HELQ: variants seen among roughly 807,000 people sequenced by gnomAD.
HELQ encodes the protein helicase, POLQ like, also known as helicase POLQ-like.
In HELQ, 77 loss-of-function variants were observed where a neutral mutation model predicts 111.6. The observed-to-expected ratio is 0.69, with a 90% CI of 0.57 to 0.83. The LOEUF (loss-of-function observed/expected upper bound fraction) is 0.83. Ranked by LOEUF, HELQ falls within the 40% of genes least tolerant of loss-of-function variation. The probability of loss-of-function intolerance (pLI) is 0.00; values close to 1 mark genes in which losing one functional copy is unlikely to be tolerated. For synonymous variants in HELQ, 438 were observed against 454.7 expected (o/e 0.96, Z 0.47); for missense variants, 1,200 against 1,288.5 (o/e 0.93, Z 1.05).
chr4:83,409,394 CA>C (rs921702932), intron 17 of HELQ, among the ~76,000 whole-genome samples: 2 of 151,076 alleles, frequency 1.3e-5, no homozygotes, highest in Non-Finnish European at 1.5e-5. Flanking sequence ...ACTAAAAATA[CA>C]AAAAAAAATT....
intron 17 of HELQ, among the ~76,000 whole-genome samples, chr4:83,409,108 C>A (rs1309722126): frequency 6.6e-6 from 1 of 152,058 alleles, no homozygotes; most frequent in Non-Finnish European, 1.5e-5. Context: ...CCTCTCCCAC[C>A]CCAAGTCATC....
At position 83,446,226 on chromosome 4, in the gene HELQ, C is replaced by T. The variant is rs150542511; in HGVS notation, c.1393-140G>A. 8.6e-4 allele frequency: 516 copies of T among 596,968 alleles called. 1 individual carries two copies. Among genetic ancestry groups the T allele is most frequent in the Middle Eastern group, 2.3e-3 (6 of 2,576 alleles). 37.0% of individuals were successfully genotyped at this position (596,968 alleles called of 1,614,324 possible). A position where few individuals can be genotyped will look rare whatever the true frequency, so the allele number is the denominator to read the frequency against. ...TATTTTGAATATAACAACTATAATACATGTATATTATTTCACTGGTATTTA... is the reference window on the plus strand; with the variant it reads ...TATTTTGAATATAACAACTATAATATATGTATATTATTTCACTGGTATTTA... On this transcript the variant is annotated intron_variant, in intron 4 of 17. Transcript: ENST00000295488.
chr4:83,451,785 G>A (rs1721388580), intron 2 of HELQ, among the ~76,000 whole-genome samples: 1 of 152,134 alleles, frequency 6.6e-6, no homozygotes, highest in African/African-American at 2.4e-5. Flanking sequence ...ACAGAGGGAA[G>A]AACAGAGGGA....
intron 3 of HELQ, among the ~76,000 whole-genome samples, chr4:83,448,199 G>A (rs569623760): frequency 1.3e-4 from 20 of 152,058 alleles, no homozygotes; most frequent in African/African-American, 3.9e-4. Flanking sequence ...GACAGAGGGA[G>A]ACTACATCTC....
At chr4:83,449,028 A>G in intron 2 of HELQ, 67 bp from the exon 3 acceptor site, 1 of 1,208,936 alleles carries the variant, frequency 8.3e-7, no homozygotes. Flanking sequence ...AAGTTTTCTA[A>G]GAAAAAAAAT....
intron 14 of HELQ, among the ~76,000 whole-genome samples, chr4:83,423,728 T>C (rs1406315054): frequency 6.6e-6 from 1 of 152,118 alleles, no homozygotes; most frequent in Non-Finnish European, 1.5e-5. Flanking sequence ...CTGGCCAACA[T>C]GGTGAAACTC....
chr4:83,426,297 C>A (rs570918049), intron 13 of HELQ, among the ~76,000 whole-genome samples: 26 of 152,034 alleles, frequency 1.7e-4, no homozygotes, highest in Middle Eastern at 3.4e-3. Context: ...AAGGCATAGC[C>A]ACAAGTACTG....
At chr4:83,454,024 T>G in intron 1 of HELQ, 79 bp from the exon 2 acceptor site, 1 of 848,814 alleles carries the variant, frequency 1.2e-6, no homozygotes, top group Non-Finnish European at 1.9e-6. Flanking sequence ...GCCAACATGG[T>G]CAAACCCCGT....
In HELQ at chr4:83,450,222, T is replaced by TAAAAAAAAAAA. The variant is rs71668650; in HGVS notation, c.1013-1272_1013-1262dup. 6.4e-4 allele frequency among the ~76,000 whole-genome samples: 29 copies of TAAAAAAAAAAA among 45,604 alleles called. 6 individuals carry two copies. Among genetic ancestry groups the TAAAAAAAAAAA allele is most frequent in the East Asian group, 2.2e-3 (2 of 906 alleles). 29.9% of individuals were successfully genotyped at this position (45,604 alleles called of 152,430 possible). On this transcript the variant is annotated intron_variant, in intron 2 of 17. Transcript: ENST00000295488. ...TGTATGTTCAATATACAGTTAAGTTTAAAAAAAAAAAAAAAAAAAAAAAAA... is the reference window on the plus strand; with the variant it reads ...TGTATGTTCAATATACAGTTAAGTTTAAAAAAAAAAAAAAAAAAAAAAAAAAAAAAAAAAAA...
At chr4:83,442,703 G>A (rs1383271160) in intron 6 of HELQ, among the ~76,000 whole-genome samples, 1 of 151,824 alleles carries the variant, frequency 6.6e-6, no homozygotes, top group African/African-American at 2.4e-5. Flanking sequence ...GAGCCACCGC[G>A]CCTGGCTGCC....
At chr4:83,435,198 C>T (rs899164268) in intron 9 of HELQ, among the ~76,000 whole-genome samples, 4 of 152,112 alleles carry the variant, frequency 2.6e-5, no homozygotes, top group African/African-American at 9.7e-5. Context: ...TGACCTTCCT[C>T]ACAGAGTTAT....
Position 83,446,558 on chromosome 4 carries a change from G to A in HELQ, c.1392+277C>T, listed in dbSNP as rs113041031. Among the ~76,000 whole-genome samples the A allele has an allele frequency of 1.7e-3, 258 of 151,762 alleles. 2 individuals are homozygous for A. Among genetic ancestry groups the A allele is most frequent in the African/African-American group, 5.8e-3 (238 of 41,380 alleles). On this transcript the variant is annotated intron_variant, in intron 4 of 17. Coordinates refer to ENST00000295488, the MANE Select transcript of HELQ (RefSeq NM_133636.5). The stretch of plus-strand genomic sequence containing the variant: ...TAACATCAAGTGATTCACCTGCCTC[G>A]GCCTCCCAAAGTGCTAGGATTACAG...
intron 16 of HELQ, among the ~76,000 whole-genome samples, chr4:83,417,102 A>C (rs969506250): frequency 6.6e-6 from 1 of 152,166 alleles, no homozygotes; most frequent in African/African-American, 2.4e-5. Flanking sequence ...TGTGTGCTGC[A>C]ATCAAGAAAA....
intron 3 of HELQ, among the ~76,000 whole-genome samples, chr4:83,448,580 G>A (rs925293091): frequency 6.6e-6 from 1 of 150,696 alleles, no homozygotes; most frequent in African/African-American, 2.4e-5. Context: ...TGAGGCAGGA[G>A]AATCGCTTGA....
In HELQ at chr4:83,455,813, A is replaced by T; in HGVS notation, c.-120T>A. On this transcript the variant is annotated 5_prime_UTR_variant, in exon 1 of 18. The change creates a new upstream start codon in the 5' untranslated region. Transcript: ENST00000295488. ...ACATCCACCTTGGGAAAAGACCCCA[A>T]GTTAGCTCTCAGGGCTCGCGGACCG... 9.7e-7 allele frequency: 1 copy of T among 1,030,212 alleles called. No individual in the cohort carries two copies. The highest frequency in any genetic ancestry group is 3.2e-4 in the Middle Eastern group (1 of 3,146). 63.8% of individuals were successfully genotyped at this position (1,030,212 alleles called of 1,614,324 possible).
chr4:83,424,079 A>G lies in HELQ; in HGVS notation c.2775+1915T>C, dbSNP rs896783847. ...CCTCCAAAACATTAAACTAGTAATT[A>G]ATCCATTTGTAATTAAGATAAGTTC... On this transcript the variant is annotated intron_variant, in intron 14 of 17. Coordinates refer to ENST00000295488, the MANE Select transcript of HELQ (RefSeq NM_133636.5). Among the ~76,000 whole-genome samples the G allele has an allele frequency of 7.2e-5, 11 of 152,324 alleles. No homozygotes were observed. In the Middle Eastern group the frequency reaches 0.01, roughly 141 times the overall value.
Position 83,426,021 on chromosome 4 carries a change from C to T in HELQ, c.2748G>A (p.Lys916=). The change falls in exon 14 of 18, where the codon AAG becomes AAA. Residue 916 remains lysine (K), a synonymous_variant. Transcript: ENST00000295488. ...ILGVSESFIG[K]KASGQAIGKK... ...TTCCGATGGCTTGGCCTGATGCTTT[C>T]TTCCCAATAAAGCTTTCAGAGACTC... 6.2e-7 allele frequency: 1 copy of T among 1,606,504 alleles called. No homozygotes were observed. Among genetic ancestry groups the T allele is most frequent in the East Asian group, 2.2e-5 (1 of 44,786 alleles).
At chr4:83,443,756 A>T in intron 5 of HELQ, 142 bp from the exon 6 acceptor site, 1 of 503,908 alleles carries the variant, frequency 2.0e-6, no homozygotes, top group South Asian at 2.8e-5. Context: ...AGTAAGAAAA[A>T]TACAAATAGC....
intron 17 of HELQ, among the ~76,000 whole-genome samples, chr4:83,413,718 T>C (rs772009413): frequency 7.2e-5 from 11 of 152,200 alleles, no homozygotes; most frequent in Non-Finnish European, 1.6e-4. Flanking sequence ...TGCCTGGATA[T>C]CTTAAAATGC....
Sources: gnomAD v4.1 joint callset for allele counts (sites outside exome capture counted in the v4.1 genomes callset) on GRCh38, gnomAD v4.1.1 for gene constraint, MANE v1.5 for transcripts, NCBI Gene and HGNC (gene_info 2026-07-23, HGNC 2026-07-21) for gene names.